SLC26A7: variants seen among roughly 807,000 people sequenced by gnomAD.
The protein encoded by SLC26A7 is solute carrier family 26 member 7.
In SLC26A7, 59 loss-of-function variants were observed where a neutral mutation model predicts 82.5. That is an observed-to-expected ratio of 0.72 (90% CI 0.58 to 0.89). The LOEUF (loss-of-function observed/expected upper bound fraction) is 0.89. Ranked by LOEUF, SLC26A7 falls within the 40% of genes least tolerant of loss-of-function variation. The pLI is 0.00. For missense variants in SLC26A7, 820 were observed against 793.0 expected, an observed-to-expected ratio of 1.03 and a Z score of -0.41; for synonymous variants, 271 against 274.3, an observed-to-expected ratio of 0.99 and a Z score of 0.12.
intron 2 of SLC26A7, among the ~76,000 whole-genome samples, chr8:91,233,688 G>A (rs1810346648): frequency 6.6e-6 from 1 of 152,072 alleles, no homozygotes; most frequent in Admixed American, 6.6e-5. Flanking sequence ...AAAGGTAAAG[G>A]CCCCAAGCAA....
chr8:91,251,078 C>T (rs1413501765), intron 2 of SLC26A7, among the ~76,000 whole-genome samples: 1 of 151,596 alleles, frequency 6.6e-6, no homozygotes, highest in East Asian at 1.9e-4. Context: ...TTTCAGCATG[C>T]TATAAATTTA....
Position 91,397,600 on chromosome 8 carries a change from T to C in SLC26A7, c.*2503T>C, listed in dbSNP as rs1362373803. On this transcript the variant is annotated 3_prime_UTR_variant, in exon 19 of 19. Coordinates refer to ENST00000276609, the MANE Select transcript of SLC26A7 (RefSeq NM_052832.4). ...GAAAAGACTGTTAACATTACATTTA[T>C]GCAAATTAAATGCCCTTAAATTTCA... 6.6e-6 allele frequency: 1 copy of C among 152,566 alleles called. No homozygotes were observed. Among genetic ancestry groups the C allele is most frequent in the Non-Finnish European group, 1.5e-5 (1 of 67,968 alleles). The allele number at this position is 152,566 out of a possible 1,614,324, so 9.5% of individuals were successfully genotyped here. A position where few individuals can be genotyped will look rare whatever the true frequency, so the allele number is the denominator to read the frequency against.
At position 91,354,309 on chromosome 8, in the gene SLC26A7, T is replaced by C. The variant is rs544866108; in HGVS notation, c.1314+1313T>C. On this transcript the variant is annotated intron_variant, in intron 11 of 18. Transcript: ENST00000276609. ...TATTAGGAAGTTGAGAATTGAAGAA[T>C]TGCATTACCTGGAGAAGAAACAAAG... Among the ~76,000 whole-genome samples the C allele has an allele frequency of 1.1e-4, 17 of 152,200 alleles. No homozygotes were observed. The South Asian group carries it at 3.5e-3, about 32-fold the overall frequency.
rs140569478 is a variant in SLC26A7, at chr8:91,363,504, A to T, written c.1454A>T (p.Glu485Val). The T allele has an allele frequency of 2.2e-3, 3,307 of 1,510,708 alleles. 24 individuals carry two copies. Among genetic ancestry groups the T allele is most frequent in the South Asian group, 0.012 (1,008 of 83,340 alleles). 93.6% of individuals were successfully genotyped at this position (1,510,708 alleles called of 1,614,324 possible). Residue 485 changes from glutamate (E) to valine (V), a missense_variant, in exon 13 of 19, where the codon GAA (glutamate) becomes GTA (valine). Coordinates refer to ENST00000276609, the MANE Select transcript of SLC26A7 (RefSeq NM_052832.4). The stretch of plus-strand genomic sequence containing the variant: ...ACTGTAAGTATAAAAAATATGAAAG[A>T]AATGGAATTTAAAGTGAAGACAGAA... ...AMTVSIKNMK[E>V]MEFKVKTEMD...
chr8:91,387,491 C>T (rs1244340228), intron 15 of SLC26A7, among the ~76,000 whole-genome samples: 1 of 152,124 alleles, frequency 6.6e-6, no homozygotes, highest in East Asian at 1.9e-4. Flanking sequence ...TACTGGAGTA[C>T]CTGGCATATA....
At chr8:91,358,332 T>TG (rs1813935620) in intron 11 of SLC26A7, among the ~76,000 whole-genome samples, 1 of 149,156 alleles carries the variant, frequency 6.7e-6, no homozygotes, top group African/African-American at 2.5e-5. Context: ...TCTTTTTCTT[T>TG]TTTTTTTTTT....
intron 2 of SLC26A7, among the ~76,000 whole-genome samples, chr8:91,283,872 A>G (rs1811641205): frequency 1.3e-5 from 2 of 152,160 alleles, no homozygotes; most frequent in African/African-American, 4.8e-5. Flanking sequence ...ACTTATTAGG[A>G]CAAGAATTTT....
At chr8:91,380,497 A>G (rs1451782191) in intron 15 of SLC26A7, among the ~76,000 whole-genome samples, 4 of 152,176 alleles carry the variant, frequency 2.6e-5, no homozygotes, top group East Asian at 3.8e-4. Flanking sequence ...TGGCATTACC[A>G]TCACTCCTGA....
rs1586462773 is a variant in SLC26A7 at position 91,369,831 on chromosome 8, A to G, written c.1673A>G (p.Asn558Ser). 1 of 1,604,932 alleles carries G rather than the reference A, an allele frequency of 6.2e-7. No individual in the cohort carries two copies. The highest frequency in any genetic ancestry group is 8.5e-7 in the Non-Finnish European group (1 of 1,175,204). The change falls in exon 15 of 19, where the codon AAT becomes AGT. Residue 558 changes from asparagine (N) to serine (S), a missense_variant and splice_region_variant. Asn to Ser is a conservative substitution (Grantham distance 46). Transcript: ENST00000276609. The stretch of plus-strand genomic sequence containing the variant: ...AATTCCCTATCCAATGGCAACTGCA[A>G]TGGTGAGTTAGCTTTAAGGAAAAAG... ...LLNSLSNGNCNEEASQSCPNE... is the reference protein window; with the variant it reads ...LLNSLSNGNCSEEASQSCPNE...
chr8:91,278,030 GC>G (rs1811452941), intron 2 of SLC26A7, among the ~76,000 whole-genome samples: 1 of 152,144 alleles, frequency 6.6e-6, no homozygotes, highest in Non-Finnish European at 1.5e-5. Context: ...TTGGGACCAT[GC>G]CCCCTGCAAA....
In SLC26A7 at chr8:91,343,396, T is replaced by C; in HGVS notation, c.1070T>C (p.Phe357Ser). 6.2e-7 allele frequency: 1 copy of C among 1,613,024 alleles called. No individual in the cohort carries two copies. Among genetic ancestry groups the C allele is most frequent in the Non-Finnish European group, 8.5e-7 (1 of 1,179,778 alleles). The change falls in exon 9 of 19, where the codon TTC becomes TCC. Residue 357 changes from phenylalanine (F) to serine (S), a missense_variant. Transcript: ENST00000276609. ...HGLSNIVSSF[F>S]FCIPSAAAMG... is the part of the protein sequence containing the mutation. ...CTCAGCAATATAGTTTCTTCATTTT[T>C]CTTCTGCATACCAAGTGCTGCTGCC...
chr8:91,394,240 A>G lies in SLC26A7; in HGVS notation c.1935+201A>G. 1 of 1,613,416 alleles carries G rather than the reference A, an allele frequency of 6.2e-7. No individual in the cohort carries two copies. The highest frequency in any genetic ancestry group is 2.2e-5 in the East Asian group (1 of 44,842). On this transcript the variant is annotated intron_variant, in intron 18 of 18. Transcript: ENST00000276609. ...TAGGCCAGTTATAAACTGTTGTTTG[A>G]TAACTTGGATCTTCCAACAATGCCA...
intron 4 of SLC26A7, among the ~76,000 whole-genome samples, chr8:91,306,694 T>A (rs1248389643): frequency 6.6e-6 from 1 of 151,524 alleles, no homozygotes; most frequent in African/African-American, 2.4e-5. Flanking sequence ...AAAGTCTATA[T>A]GTTGTATCCA....
In SLC26A7 at chr8:91,395,790, C is replaced by T. The variant is rs1253318591; in HGVS notation, c.*693C>T. ...TGTTTTGCTGTGAATATTGGAAATG[C>T]TTAGGATCTTCAGACCCAATAGCTC... On this transcript the variant is annotated 3_prime_UTR_variant, in exon 19 of 19. Transcript: ENST00000276609. 2 of 152,028 alleles carry T rather than the reference C, an allele frequency of 1.3e-5. No homozygotes were observed. Among genetic ancestry groups the T allele is most frequent in the Non-Finnish European group, 2.9e-5 (2 of 67,924 alleles). 9.4% of individuals were successfully genotyped at this position (152,028 alleles called of 1,614,324 possible).
chr8:91,390,110 C>CTTT (rs1202015002), intron 16 of SLC26A7, among the ~76,000 whole-genome samples: 52 of 139,214 alleles, frequency 3.7e-4, no homozygotes, highest in Middle Eastern at 3.8e-3. Flanking sequence ...CCCCACCCGC[C>CTTT]TTTTTTTTTT....
At chr8:91,370,607 A>G (rs560630162) in intron 15 of SLC26A7, among the ~76,000 whole-genome samples, 112 of 152,182 alleles carry the variant, frequency 7.4e-4, no homozygotes, top group African/African-American at 2.4e-3. Context: ...CCAGGTCAAT[A>G]TTCTCTAGAA....
chr8:91,373,339 G>A (rs556883337), intron 15 of SLC26A7, among the ~76,000 whole-genome samples: 116 of 152,110 alleles, frequency 7.6e-4, no homozygotes, highest in African/African-American at 2.5e-3. Context: ...TTGCCATTCA[G>A]TATGATTTTG....
At chr8:91,306,431 T>G (rs1298178288) in intron 4 of SLC26A7, among the ~76,000 whole-genome samples, 1 of 152,230 alleles carries the variant, frequency 6.6e-6, no homozygotes, top group Non-Finnish European at 1.5e-5. Context: ...GAACTCTTCA[T>G]GAATAGCACA....
chr8:91,362,745 T>C (rs1183215311), intron 12 of SLC26A7, among the ~76,000 whole-genome samples: 1 of 152,064 alleles, frequency 6.6e-6, no homozygotes, highest in African/African-American at 2.4e-5. Flanking sequence ...TTATACTGCA[T>C]CAGAGAGAGA....
Sources: allele counts gnomAD v4.1 joint callset (sites outside exome capture counted in the v4.1 genomes callset), GRCh38; gene constraint gnomAD v4.1.1; transcripts MANE v1.5; gene names NCBI Gene and HGNC (gene_info 2026-07-23, HGNC 2026-07-21).